Variants in CDH15 observed in about 807,000 individuals in gnomAD.
CDH15 encodes cadherin-15.
Under a neutral mutation model 69.4 loss-of-function variants are expected in CDH15, and 73 were observed. That is an observed-to-expected ratio of 1.05 (90% CI 0.87 to 1.28). The LOEUF is 1.28. Ranked by LOEUF, CDH15 falls within the 50% of genes most tolerant of loss-of-function variation. The probability of loss-of-function intolerance (pLI) is 0.00; values close to 1 mark genes in which losing one functional copy is unlikely to be tolerated. For synonymous variants in CDH15, 624 were observed against 507.7 expected, an observed-to-expected ratio of 1.23 and a Z score of -3.08; for missense variants, 1,343 against 1,133.6, an observed-to-expected ratio of 1.18 and a Z score of -2.65.
Position 89,180,244 on chromosome 16 carries a change from C to G in CDH15, c.246C>G (p.Ile82Met). ...KQQLGSVIYSIQGPGVDEEPR... is the reference protein window; with the variant it reads ...KQQLGSVIYSMQGPGVDEEPR... ...AGCTGGGCAGCGTCATCTACAGCAT[C>G]CAGGGACCCGGCGTGGATGAGGAGC... is the stretch of plus-strand genomic sequence containing the variant. Residue 82 changes from isoleucine (I) to methionine (M), a missense_variant, in exon 3 of 14, where the codon ATC becomes ATG. Ile to Met is a conservative substitution (Grantham distance 10). Coordinates refer to ENST00000289746, the MANE Select transcript of CDH15 (RefSeq NM_004933.3). 6.2e-7 allele frequency: 1 copy of G among 1,610,442 alleles called. No individual in the cohort carries two copies. Among genetic ancestry groups the G allele is most frequent in the Non-Finnish European group, 8.5e-7 (1 of 1,178,638 alleles).
chr16:89,187,154 G>A (rs113016977), intron 5 of CDH15, among the ~76,000 whole-genome samples: 28 of 151,398 alleles, frequency 1.8e-4, no homozygotes, highest in Admixed American at 9.2e-4. Context: ...CTCTGTAAAC[G>A]CTTACCCAGC....
chr16:89,187,291 G>A, intron 5 of CDH15, 138 bp from the exon 6 acceptor site: 1 of 937,158 alleles, frequency 1.1e-6, no homozygotes, highest in South Asian at 1.4e-5. Flanking sequence ...GATTCTCAGG[G>A]CCACTTGGGG....
In CDH15 at chr16:89,193,611, GGGGGCA is replaced by G; in HGVS notation, c.1992+8_1992+13del. On this transcript the variant is annotated splice_donor_region_variant and intron_variant, in intron 12 of 13. Coordinates refer to ENST00000289746, the MANE Select transcript of CDH15 (RefSeq NM_004933.3). ...GGAGGCGGGGAGGAGGACCAGGTGA[GGGGGCA>G]GGTGTGGGTGGGGAGGGGTCCCCAA... The G allele has an allele frequency of 6.3e-7, 1 of 1,587,942 alleles. No individual in the cohort carries two copies. Among genetic ancestry groups the G allele is most frequent in the Non-Finnish European group, 8.6e-7 (1 of 1,167,206 alleles).
Position 89,183,602 on chromosome 16 carries a change from C to T in CDH15, c.412C>T (p.Leu138=). ...GGSTLEDPTD[L]EIVVVDQNDN... ...ATCCACCCTGGAGGACCCCACGGAC[C>T]TGGAGATTGTAGTTGTGGATCAGAA... Residue 138 remains leucine, a synonymous_variant, in exon 4 of 14, where the codon CTG becomes TTG. Transcript: ENST00000289746. 6.2e-7 allele frequency: 1 copy of T among 1,614,162 alleles called. No homozygotes were observed. The highest frequency in any genetic ancestry group is 8.5e-7 in the Non-Finnish European group (1 of 1,180,026).
rs3785414 is a variant in CDH15 at position 89,183,991 on chromosome 16, C to T, written c.502+299C>T. On this transcript the variant is annotated intron_variant, in intron 4 of 13. Transcript: ENST00000289746. ...CCATCTGGAGCCAGGCACACTCCAT[C>T]CTCACCCTGTACTCACATGGGGTCC... Among the ~76,000 whole-genome samples, 2,923 of 152,254 alleles carry T rather than the reference C, an allele frequency of 0.019. 187 individuals carry two copies. The East Asian group carries it at 0.23, about 12-fold the overall frequency.
intron 1 of CDH15, among the ~76,000 whole-genome samples, chr16:89,173,212 G>C (rs113665151): frequency 6.6e-6 from 1 of 152,200 alleles, no homozygotes; most frequent in Non-Finnish European, 1.5e-5. Flanking sequence ...GCGCAGGCTG[G>C]GGGGCTCCAT....
At chr16:89,194,777 C>G in intron 13 of CDH15, 85 bp from the exon 14 acceptor site, 1 of 1,388,724 alleles carries the variant, frequency 7.2e-7, no homozygotes, top group Non-Finnish European at 9.9e-7. Context: ...GTGCCTTGAG[C>G]TGACTTTGCC....
In CDH15 at chr16:89,171,751, G is replaced by C; in HGVS notation, c.-81G>C. On this transcript the variant is annotated 5_prime_UTR_variant, in exon 1 of 14. Transcript: ENST00000289746. ...TCTGTCTCTGGCCCTGGCCCGCCCCGCGCACTTGCGCTGTCACTCAGCCTG... is the reference window on the plus strand; with the variant it reads ...TCTGTCTCTGGCCCTGGCCCGCCCCCCGCACTTGCGCTGTCACTCAGCCTG... 1.7e-6 allele frequency: 2 copies of C among 1,165,824 alleles called. No homozygotes were observed. The highest frequency in any genetic ancestry group is 2.8e-5 in the South Asian group (2 of 72,496). The allele number at this position is 1,165,824 out of a possible 1,614,324, so 72.2% of individuals were successfully genotyped here.
At position 89,190,313 on chromosome 16, in the gene CDH15, C is replaced by T. The variant is rs770833057; in HGVS notation, c.1049C>T (p.Ala350Val). The T allele has an allele frequency of 4.3e-6, 7 of 1,611,978 alleles. No individual in the cohort carries two copies. The highest frequency in any genetic ancestry group is 2.2e-5 in the East Asian group (1 of 44,878). ...VSVQNEAPLQ[A>V]AALRAERGQA... The stretch of plus-strand genomic sequence containing the variant: ...GTGCAGAATGAGGCCCCGCTGCAGG[C>T]GGCTGCCCTTAGGGCTGAGCGGGGC... The change falls in exon 8 of 14, where the codon GCG becomes GTG. Residue 350 changes from alanine (A) to valine (V), a missense_variant. Coordinates refer to ENST00000289746, the MANE Select transcript of CDH15 (RefSeq NM_004933.3).
chr16:89,192,144 AG>A, intron 10 of CDH15, 60 bp from the exon 11 acceptor site: 1 of 1,472,788 alleles, frequency 6.8e-7, no homozygotes, highest in Admixed American at 2.4e-5. Flanking sequence ...CGGCGCGAGG[AG>A]GGCAGGCGAA....
chr16:89,191,181 G>C (rs147866544), intron 8 of CDH15, 149 bp from the exon 9 acceptor site: 10 of 847,792 alleles, frequency 1.2e-5, no homozygotes, highest in East Asian at 5.2e-5. Flanking sequence ...CTGTGTGTGC[G>C]TGTGTATATG....
Position 89,190,411 on chromosome 16 carries a change from A to C in CDH15, c.1147A>C (p.Ser383Arg), listed in dbSNP as rs756985569. Residue 383 changes from serine (S) to arginine (R), a missense_variant, in exon 8 of 14, where the codon AGC becomes CGC. By Grantham distance (110) the Ser-to-Arg change is moderately radical. Transcript: ENST00000289746. ...GTTCCAGGAGAACCCACTTCGGACCAGCCTAGCAGAGGGGGCACCCCCAGG... is the reference window on the plus strand; with the variant it reads ...GTTCCAGGAGAACCCACTTCGGACCCGCCTAGCAGAGGGGGCACCCCCAGG... ...PVFQENPLRT[S>R]LAEGAPPGTL... 3 of 1,612,178 alleles carry C rather than the reference A, an allele frequency of 1.9e-6. No individual in the cohort carries two copies. Among genetic ancestry groups the C allele is most frequent in the African/African-American group, 2.7e-5 (2 of 75,056 alleles).
At chr16:89,175,085 C>T (rs547943851) in intron 1 of CDH15, among the ~76,000 whole-genome samples, 6 of 152,316 alleles carry the variant, frequency 3.9e-5, no homozygotes, top group Admixed American at 6.5e-5. Flanking sequence ...GCAAGTGAGC[C>T]CTGCCAAGGC....
rs534468684 is a variant in CDH15, at chr16:89,179,583, G to T, written c.201+9G>T. 4.4e-6 allele frequency: 7 copies of T among 1,576,180 alleles called. No homozygotes were observed. The African/African-American group carries it at 9.5e-5, about 21-fold the overall frequency. ...CCTACCCCCTGGTTCAGGTGAGCAG[G>T]TGGAGGGGGCAGGAGGGGAGAAAGG... On this transcript the variant is annotated intron_variant, in intron 2 of 13. Coordinates refer to ENST00000289746, the MANE Select transcript of CDH15 (RefSeq NM_004933.3).
chr16:89,178,492 G>A (rs1255798886), intron 1 of CDH15, among the ~76,000 whole-genome samples: 2 of 152,138 alleles, frequency 1.3e-5, no homozygotes, highest in Admixed American at 1.3e-4. Flanking sequence ...GTGAGGCTGG[G>A]GGTGGGGCTG....
intron 8 of CDH15, 37 bp from the exon 9 acceptor site, chr16:89,191,293 T>G: frequency 6.2e-7 from 1 of 1,611,898 alleles, no homozygotes; most frequent in Non-Finnish European, 8.5e-7. Context: ...GGCCCTGGGG[T>G]AAACTCAGAT....
Position 89,194,883 on chromosome 16 carries a change from G to C in CDH15, c.2173G>C (p.Asp725His), listed in dbSNP as rs1193312326. 4 of 1,606,414 alleles carry C rather than the reference G, an allele frequency of 2.5e-6. No individual in the cohort carries two copies. The highest frequency in any genetic ancestry group is 8.5e-7 in the Non-Finnish European group (1 of 1,176,674). The change falls in exon 14 of 14, where the codon GAC (aspartate) becomes CAC (histidine). Residue 725 changes from aspartate to histidine, a missense_variant. Asp to His is a moderately conservative substitution (Grantham distance 81, BLOSUM62 -1). Coordinates refer to ENST00000289746, the MANE Select transcript of CDH15 (RefSeq NM_004933.3). ...ATAGGGCTTGGAGGCTGCAGATAGT[G>C]ACCCCAGTGTGCCGCCTTACGACAC... ...INDGLEAADS[D>H]PSVPPYDTAL... is the part of the protein sequence containing the mutation.
chr16:89,176,544 C>T (rs1597301250), intron 1 of CDH15, among the ~76,000 whole-genome samples: 4 of 152,200 alleles, frequency 2.6e-5, no homozygotes, highest in Non-Finnish European at 4.4e-5. Flanking sequence ...GTGCTCCCTC[C>T]GCTCGCACAA....
chr16:89,183,472 C>A lies in CDH15; in HGVS notation c.358-76C>A, dbSNP rs1298409642. 3 of 1,550,232 alleles carry A rather than the reference C, an allele frequency of 1.9e-6. No homozygotes were observed. In the East Asian group the frequency reaches 6.8e-5, roughly 35 times the overall value. ...TGGAGACAAAGTCTGAACGTGCTGT[C>A]TCTTTCGCATGGCCCTAACGGGAGC... On this transcript the variant is annotated intron_variant, in intron 3 of 13. Transcript: ENST00000289746.
Sources: gnomAD v4.1 joint callset for allele counts (sites outside exome capture counted in the v4.1 genomes callset) on GRCh38, gnomAD v4.1.1 for gene constraint, MANE v1.5 for transcripts, NCBI Gene and HGNC (gene_info 2026-07-23, HGNC 2026-07-21) for gene names.